CNTN4: variants seen among roughly 807,000 people sequenced by gnomAD.
CNTN4 encodes the protein contactin-4.
In CNTN4, 77 loss-of-function variants were observed where a neutral mutation model predicts 122.5. The observed-to-expected ratio is 0.63, with a 90% CI of 0.52 to 0.76. CNTN4 has a LOEUF of 0.76. Among genes scored for constraint, CNTN4 ranks in the 30% least tolerant of loss-of-function variants. The pLI is 0.00. For synonymous variants in CNTN4, 512 were observed against 447.0 expected (o/e 1.15, Z -1.83); for missense variants, 1,256 against 1,259.1 (o/e 1.00, Z 0.04).
intron 3 of CNTN4, among the ~76,000 whole-genome samples, chr3:2,563,419 T>C (rs2079036646): frequency 6.6e-6 from 1 of 152,212 alleles, no homozygotes; most frequent in Non-Finnish European, 1.5e-5. Flanking sequence ...TTAAAGATTA[T>C]ATGAGTTAAC....
At chr3:2,220,469 T>G (rs1039286163) in intron 2 of CNTN4, among the ~76,000 whole-genome samples, 1 of 152,174 alleles carries the variant, frequency 6.6e-6, no homozygotes, top group Non-Finnish European at 1.5e-5. Flanking sequence ...TTGAATTTAC[T>G]GGTCTTCAAA....
chr3:2,270,851 A>C (rs1224127660), intron 2 of CNTN4, among the ~76,000 whole-genome samples: 1 of 152,118 alleles, frequency 6.6e-6, no homozygotes, highest in Non-Finnish European at 1.5e-5. Flanking sequence ...CCCGATGTGC[A>C]GTTGTTTAGT....
At chr3:2,194,110 G>C (rs1409003542) in intron 2 of CNTN4, among the ~76,000 whole-genome samples, 1 of 152,064 alleles carries the variant, frequency 6.6e-6, no homozygotes, top group African/African-American at 2.4e-5. Context: ...TAGATATAAG[G>C]TTCATCATCA....
chr3:2,521,455 A>C (rs1260202291), intron 3 of CNTN4, among the ~76,000 whole-genome samples: 1 of 150,286 alleles, frequency 6.7e-6, no homozygotes, highest in African/African-American at 2.4e-5. Context: ...TATAACTTCT[A>C]GATAAGGGTA....
Position 2,104,580 on chromosome 3 carries a change from A to G in CNTN4, c.-145+3941A>G, listed in dbSNP as rs182161378. Among the ~76,000 whole-genome samples, 298 of 152,230 alleles carry G rather than the reference A, an allele frequency of 2.0e-3. 2 individuals carry two copies. Among genetic ancestry groups the G allele is most frequent in the African/African-American group, 6.7e-3 (280 of 41,534 alleles). Reference sequence around the variant, plus strand: ...GTCAAGATACAGAGTGTGAGGAGATAAATAATCCAGAGAAGTCTTATTGGA... The same window carrying G: ...GTCAAGATACAGAGTGTGAGGAGATGAATAATCCAGAGAAGTCTTATTGGA... On this transcript the variant is annotated intron_variant, in intron 2 of 24. Coordinates refer to ENST00000418658, the MANE Select transcript of CNTN4 (RefSeq NM_175607.3).
chr3:2,397,177 C>G (rs1279325098), intron 3 of CNTN4, among the ~76,000 whole-genome samples: 6 of 152,018 alleles, frequency 3.9e-5, no homozygotes, highest in Admixed American at 3.9e-4. Context: ...AAATAATGCA[C>G]CATGGATTGA....
At chr3:2,855,114 G>A (rs1422172026) in intron 7 of CNTN4, among the ~76,000 whole-genome samples, 1 of 152,158 alleles carries the variant, frequency 6.6e-6, no homozygotes, top group African/African-American at 2.4e-5. Context: ...ATGTTGCTAT[G>A]GGGTTAAATA....
intron 2 of CNTN4, among the ~76,000 whole-genome samples, chr3:2,325,381 G>A (rs764948136): frequency 3.3e-5 from 5 of 152,144 alleles, no homozygotes; most frequent in African/African-American, 7.2e-5. Context: ...AAGTATTTTA[G>A]AAGTTTCCAT....
At chr3:2,761,576 C>G (rs1247604906) in intron 6 of CNTN4, among the ~76,000 whole-genome samples, 1 of 151,814 alleles carries the variant, frequency 6.6e-6, no homozygotes, top group Non-Finnish European at 1.5e-5. Flanking sequence ...ATTTATTATG[C>G]TATATGATAA....
At chr3:2,180,506 G>C (rs1464890219) in intron 2 of CNTN4, among the ~76,000 whole-genome samples, 2 of 152,008 alleles carry the variant, frequency 1.3e-5, no homozygotes, top group African/African-American at 4.8e-5. Context: ...GATAGGTCTA[G>C]TAAGAGGATT....
intron 2 of CNTN4, among the ~76,000 whole-genome samples, chr3:2,112,755 CCATTGTGTTTTA>C (rs760697382): frequency 2.6e-5 from 4 of 151,472 alleles, no homozygotes; most frequent in African/African-American, 7.3e-5. Context: ...TTACTGTTTT[CCATTGTGTTTTA>C]CATTTTTTTC....
chr3:2,127,418 A>G (rs1242559523), intron 2 of CNTN4, among the ~76,000 whole-genome samples: 1 of 152,162 alleles, frequency 6.6e-6, no homozygotes, highest in Non-Finnish European at 1.5e-5. Context: ...AGGATGGAAT[A>G]ACATGCTCCT....
At chr3:2,127,491 G>A (rs1466596654) in intron 2 of CNTN4, among the ~76,000 whole-genome samples, 3 of 152,000 alleles carry the variant, frequency 2.0e-5, no homozygotes, top group Admixed American at 2.0e-4. Flanking sequence ...TTTAGAACAA[G>A]ACCGTGATTG....
At chr3:2,764,147 G>T (rs2090730673) in intron 6 of CNTN4, among the ~76,000 whole-genome samples, 1 of 152,112 alleles carries the variant, frequency 6.6e-6, no homozygotes, top group South Asian at 2.1e-4. Context: ...GATAAACAAA[G>T]CCAGACCCAG....
intron 13 of CNTN4, among the ~76,000 whole-genome samples, chr3:2,968,471 T>A (rs781079250): frequency 1.3e-5 from 2 of 152,208 alleles, no homozygotes; most frequent in Non-Finnish European, 2.9e-5. Flanking sequence ...CACTCGACCA[T>A]CCAGAGTTCC....
At chr3:2,295,150 G>A (rs2042263877) in intron 2 of CNTN4, among the ~76,000 whole-genome samples, 1 of 145,604 alleles carries the variant, frequency 6.9e-6, no homozygotes, top group African/African-American at 2.6e-5. Context: ...ATGGGCTTGT[G>A]TCTTTATAGC....
intron 6 of CNTN4, among the ~76,000 whole-genome samples, chr3:2,783,773 G>A (rs145470749): frequency 6.6e-6 from 1 of 152,266 alleles, no homozygotes; most frequent in East Asian, 1.9e-4. Context: ...TCCATTTTCG[G>A]CATTTTGAAA....
chr3:2,380,232 G>T (rs898560257), intron 3 of CNTN4, among the ~76,000 whole-genome samples: 3 of 152,134 alleles, frequency 2.0e-5, no homozygotes, highest in Non-Finnish European at 4.4e-5. Context: ...TTCCAAAGCA[G>T]CCCTTCCTTT....
At chr3:2,647,909 G>C (rs184241142) in intron 4 of CNTN4, among the ~76,000 whole-genome samples, 1 of 152,148 alleles carries the variant, frequency 6.6e-6, no homozygotes, top group African/African-American at 2.4e-5. Flanking sequence ...CATTTACTTT[G>C]TTGTTAAACC....
Sources: gnomAD v4.1 joint callset for allele counts (sites outside exome capture counted in the v4.1 genomes callset) on GRCh38, gnomAD v4.1.1 for gene constraint, MANE v1.5 for transcripts, NCBI Gene and HGNC (gene_info 2026-07-23, HGNC 2026-07-21) for gene names.